Variants in DLGAP1 observed in about 807,000 individuals in gnomAD.
DLGAP1 encodes DLG associated protein 1.
DLGAP1 carries 11 observed loss-of-function variants against 90.8 expected under a neutral mutation model. The ratio of observed to expected loss-of-function variants is 0.12; its 90% CI spans 0.08 to 0.20. The LOEUF (loss-of-function observed/expected upper bound fraction) is 0.20. Ranked by LOEUF, DLGAP1 falls within the 10% of genes least tolerant of loss-of-function variation. The pLI, the probability that DLGAP1 is intolerant of heterozygous loss-of-function variation, is 1.00. For synonymous variants in DLGAP1, 558 were observed against 540.7 expected (o/e 1.03, Z -0.44); for missense variants, 1,050 against 1,333.8 (o/e 0.79, Z 3.31).
At chr18:4,147,728 T>C (rs2076610365) in intron 2 of DLGAP1, among the ~76,000 whole-genome samples, 1 of 152,216 alleles carries the variant, frequency 6.6e-6, no homozygotes, top group Non-Finnish European at 1.5e-5. Flanking sequence ...AATTTTATGA[T>C]ATTAAGATGG....
chr18:4,072,030 G>T (rs1026457227), intron 2 of DLGAP1, among the ~76,000 whole-genome samples: 3 of 152,160 alleles, frequency 2.0e-5, no homozygotes, highest in African/African-American at 7.2e-5. Context: ...ATTATCTCTT[G>T]GTTCCTGTGG....
chr18:4,321,952 G>A (rs1048549341), intron 1 of DLGAP1, among the ~76,000 whole-genome samples: 2 of 116,166 alleles, frequency 1.7e-5, no homozygotes, highest in East Asian at 4.8e-4. Flanking sequence ...AAACTCAGCA[G>A]TTTGGGAGGC....
chr18:3,949,666 C>T lies in DLGAP1; in HGVS notation c.-73+55450G>A, dbSNP rs565230679. The stretch of plus-strand genomic sequence containing the variant: ...ACATCCTCTCTGAGTTATGTCTGGA[C>T]TGGTTGTATATAGTTGACCCAATAT... On this transcript the variant is annotated intron_variant, in intron 3 of 12. Transcript: ENST00000315677. 2.0e-5 allele frequency among the ~76,000 whole-genome samples: 3 copies of T among 152,266 alleles called. No individual in the cohort carries two copies. The East Asian group carries it at 5.8e-4, about 29-fold the overall frequency.
chr18:3,843,619 G>C (rs569063762), intron 4 of DLGAP1, among the ~76,000 whole-genome samples: 1 of 152,154 alleles, frequency 6.6e-6, no homozygotes, highest in South Asian at 2.1e-4. Flanking sequence ...GCTCTGGAGC[G>C]ATGAGGGGTG....
intron 6 of DLGAP1, among the ~76,000 whole-genome samples, chr18:3,735,951 T>TACAC (rs145998387): frequency 2.0e-5 from 3 of 150,434 alleles, no homozygotes; most frequent in South Asian, 2.1e-4. Context: ...TCTTTCTCTC[T>TACAC]ACACACACAC....
chr18:4,319,910 C>G (rs1280521630), intron 1 of DLGAP1, among the ~76,000 whole-genome samples: 2 of 152,120 alleles, frequency 1.3e-5, no homozygotes, highest in Non-Finnish European at 2.9e-5. Flanking sequence ...ATTCTGAGGC[C>G]TCTCCAACCA....
At chr18:3,738,506 G>C (rs1302398614) in intron 6 of DLGAP1, among the ~76,000 whole-genome samples, 1 of 149,334 alleles carries the variant, frequency 6.7e-6, no homozygotes, top group Non-Finnish European at 1.5e-5. Flanking sequence ...ACAAACCTGA[G>C]AAAAACAAGC....
intron 6 of DLGAP1, among the ~76,000 whole-genome samples, chr18:3,733,430 G>A (rs985260391): frequency 2.0e-5 from 3 of 152,136 alleles, no homozygotes; most frequent in Admixed American, 6.6e-5. Context: ...GTATTCTCTC[G>A]AGATTCTGGG....
At chr18:3,772,369 T>TC (rs2064687901) in intron 5 of DLGAP1, among the ~76,000 whole-genome samples, 1 of 15,026 alleles carries the variant, frequency 6.7e-5, no homozygotes, top group Non-Finnish European at 2.3e-4. Flanking sequence ...TCTTTCTTTC[T>TC]TTCTTTCTTT....
At chr18:4,090,289 C>G (rs924299851) in intron 2 of DLGAP1, among the ~76,000 whole-genome samples, 4 of 152,068 alleles carry the variant, frequency 2.6e-5, no homozygotes, top group African/African-American at 9.7e-5. Flanking sequence ...ACAAAAGAAA[C>G]TATCATCAGA....
chr18:4,309,077 A>G (rs1244543210), intron 1 of DLGAP1, among the ~76,000 whole-genome samples: 2 of 152,222 alleles, frequency 1.3e-5, no homozygotes, highest in African/African-American at 2.4e-5. Context: ...AGGCCTCTAC[A>G]GTTATCGGGT....
At chr18:4,126,233 CT>C (rs1419685844) in intron 2 of DLGAP1, among the ~76,000 whole-genome samples, 1 of 152,102 alleles carries the variant, frequency 6.6e-6, no homozygotes, top group Non-Finnish European at 1.5e-5. Context: ...TATAGCAGAC[CT>C]CTCTATATTA....
At chr18:3,654,347 G>A (rs1447880899) in intron 7 of DLGAP1, among the ~76,000 whole-genome samples, 2 of 152,136 alleles carry the variant, frequency 1.3e-5, no homozygotes, top group South Asian at 2.1e-4. Flanking sequence ...ACCCTGTCCT[G>A]GGGGTGTAGA....
intron 2 of DLGAP1, among the ~76,000 whole-genome samples, chr18:4,119,953 G>T (rs989253626): frequency 3.9e-5 from 6 of 152,050 alleles, no homozygotes; most frequent in African/African-American, 1.4e-4. Flanking sequence ...TCTCTTTGAG[G>T]TTTAAAAAAA....
At chr18:3,996,972 T>G (rs2074084123) in intron 3 of DLGAP1, among the ~76,000 whole-genome samples, 2 of 151,906 alleles carry the variant, frequency 1.3e-5, no homozygotes, top group Non-Finnish European at 2.9e-5. Context: ...GTTTATAAAT[T>G]TTTAGTAACT....
At chr18:4,058,071 G>A (rs1452019283) in intron 2 of DLGAP1, among the ~76,000 whole-genome samples, 1 of 152,206 alleles carries the variant, frequency 6.6e-6, no homozygotes, top group Admixed American at 6.5e-5. Flanking sequence ...TATGAGAGTA[G>A]TAGGGTTAAA....
At chr18:4,204,189 A>G (rs1464042074) in intron 1 of DLGAP1, among the ~76,000 whole-genome samples, 3 of 152,220 alleles carry the variant, frequency 2.0e-5, no homozygotes, top group Non-Finnish European at 4.4e-5. Flanking sequence ...TGTCAATAAA[A>G]CTAGAAGAGT....
At chr18:4,406,078 CCAAT>C (rs1406446102) in intron 1 of DLGAP1, among the ~76,000 whole-genome samples, 1 of 152,056 alleles carries the variant, frequency 6.6e-6, no homozygotes, top group Non-Finnish European at 1.5e-5. Flanking sequence ...TGGCCTGCAA[CCAAT>C]CAGAGACTTA....
chr18:3,580,042 G>A (rs1237955333), intron 8 of DLGAP1: 2 of 656,972 alleles, frequency 3.0e-6, no homozygotes, highest in Non-Finnish European at 2.7e-6. Flanking sequence ...ATGTGCGTTA[G>A]GAATTAAAAG....
Sources: gnomAD v4.1 joint callset for allele counts (sites outside exome capture counted in the v4.1 genomes callset) on GRCh38, gnomAD v4.1.1 for gene constraint, MANE v1.5 for transcripts, NCBI Gene and HGNC (gene_info 2026-07-23, HGNC 2026-07-21) for gene names.